The following DCC variants were observed in gnomAD, a reference collection of about 807,000 sequenced individuals.
DCC encodes the protein DCC netrin 1 receptor.
Under a neutral mutation model 172.5 loss-of-function variants are expected in DCC, and 58 were observed. The ratio of observed to expected loss-of-function variants is 0.34; its 90% CI spans 0.27 to 0.42. DCC has a LOEUF of 0.42. Among genes scored for constraint, DCC ranks in the 10% least tolerant of loss-of-function variants. The probability of loss-of-function intolerance (pLI) is 1.00; values close to 1 mark genes in which losing one functional copy is unlikely to be tolerated. For missense variants in DCC, 1,740 were observed against 1,791.0 expected (o/e 0.97, Z 0.51); for synonymous variants, 709 against 644.5 (o/e 1.10, Z -1.52).
chr18:52,655,359 A>G (rs942485875), intron 1 of DCC, among the ~76,000 whole-genome samples: 3 of 152,174 alleles, frequency 2.0e-5, no homozygotes, highest in African/African-American at 7.2e-5. Context: ...CGAGCCATAG[A>G]GTTTCTTACT....
intron 1 of DCC, among the ~76,000 whole-genome samples, chr18:52,362,231 G>A (rs1598862090): frequency 6.6e-6 from 1 of 152,220 alleles, no homozygotes; most frequent in Non-Finnish European, 1.5e-5. Flanking sequence ...ATGAGTGAAT[G>A]ATGGTTATTA....
intron 8 of DCC, among the ~76,000 whole-genome samples, chr18:53,163,682 G>A (rs549237422): frequency 5.3e-5 from 8 of 152,278 alleles, no homozygotes; most frequent in Non-Finnish European, 8.8e-5. Context: ...AAGTTAAAGA[G>A]CAGCATATAT....
intron 1 of DCC, among the ~76,000 whole-genome samples, chr18:52,448,700 T>C (rs556655188): frequency 6.6e-6 from 1 of 152,280 alleles, no homozygotes; most frequent in South Asian, 2.1e-4. Flanking sequence ...AACAGTAGAA[T>C]TGAGCAGACA....
At chr18:52,917,241 C>A (rs2040056440) in intron 3 of DCC, among the ~76,000 whole-genome samples, 1 of 151,650 alleles carries the variant, frequency 6.6e-6, no homozygotes, top group Admixed American at 6.6e-5. Flanking sequence ...ATGGCTTGAG[C>A]CAGGGAGGTG....
At chr18:53,403,984 T>G (rs2145039976) in intron 19 of DCC, among the ~76,000 whole-genome samples, 1 of 152,284 alleles carries the variant, frequency 6.6e-6, no homozygotes, top group East Asian at 1.9e-4. Context: ...GAAAAAGAAG[T>G]GAGGCACAAA....
intron 12 of DCC, among the ~76,000 whole-genome samples, chr18:53,255,680 T>C (rs1317367360): frequency 2.0e-5 from 3 of 151,988 alleles, no homozygotes; most frequent in Non-Finnish European, 2.9e-5. Flanking sequence ...AACATACATG[T>C]GCATGTCTTT....
chr18:52,993,672 C>A (rs2041430966), intron 5 of DCC, among the ~76,000 whole-genome samples: 1 of 152,030 alleles, frequency 6.6e-6, no homozygotes, highest in Non-Finnish European at 1.5e-5. Flanking sequence ...TTTGAATTCC[C>A]AGGAAGTAAT....
intron 1 of DCC, among the ~76,000 whole-genome samples, chr18:52,611,446 C>T (rs2034276107): frequency 6.6e-6 from 1 of 152,194 alleles, no homozygotes; most frequent in Middle Eastern, 3.4e-3. Flanking sequence ...TTCATTAATA[C>T]ATTGATTAAT....
At chr18:53,396,155 G>A (rs981809618) in intron 17 of DCC, among the ~76,000 whole-genome samples, 10 of 151,600 alleles carry the variant, frequency 6.6e-5, no homozygotes, top group African/African-American at 9.7e-5. Context: ...GGTAAGATAC[G>A]TATGATATGA....
At chr18:52,702,106 T>C (rs2036135477) in intron 1 of DCC, among the ~76,000 whole-genome samples, 1 of 152,158 alleles carries the variant, frequency 6.6e-6, no homozygotes, top group Admixed American at 6.5e-5. Context: ...CATGGCTTGT[T>C]TTCATGATAT....
At chr18:52,810,284 A>T (rs1459185517) in intron 2 of DCC, among the ~76,000 whole-genome samples, 1 of 152,140 alleles carries the variant, frequency 6.6e-6, no homozygotes, top group African/African-American at 2.4e-5. Flanking sequence ...ACCAGCACAG[A>T]GATAGGAAAT....
At chr18:53,143,503 G>T (rs2043861734) in intron 7 of DCC, among the ~76,000 whole-genome samples, 1 of 152,196 alleles carries the variant, frequency 6.6e-6, no homozygotes, top group Non-Finnish European at 1.5e-5. Flanking sequence ...GACATAGCTG[G>T]ATGGCAGAGA....
At chr18:53,511,599 GCGCA>G (rs1321112961) in intron 27 of DCC, among the ~76,000 whole-genome samples, 3 of 152,208 alleles carry the variant, frequency 2.0e-5, no homozygotes, top group Non-Finnish European at 4.4e-5. Flanking sequence ...GTCAGTGGGT[GCGCA>G]CACCGTGCGC....
Position 53,339,798 on chromosome 18 carries a change from C to T in DCC, c.2250C>T (p.Asn750=), listed in dbSNP as rs1303493678. ...CIIMSWTPPL[N]PNIVVRGYII... ...TCATGAGTTGGACTCCTCCCTTGAA[C>T]CCAAACATCGTGGTGCGAGGTTATA... Residue 750 remains asparagine (N), a synonymous_variant, in exon 15 of 29, where the codon AAC becomes AAT. Transcript: ENST00000442544. The T allele has an allele frequency of 1.2e-6, 2 of 1,613,960 alleles. No homozygotes were observed. The highest frequency in any genetic ancestry group is 4.5e-5 in the East Asian group (2 of 44,872).
chr18:52,877,269 C>T (rs2039417672), intron 2 of DCC, among the ~76,000 whole-genome samples: 1 of 152,158 alleles, frequency 6.6e-6, no homozygotes, highest in South Asian at 2.1e-4. Flanking sequence ...AAGCCCGTCC[C>T]TTGTTGTCAC....
At chr18:53,095,645 A>C (rs35585120) in intron 7 of DCC, among the ~76,000 whole-genome samples, 39,219 of 152,054 alleles carry the variant, frequency 0.26, 6,183 homozygotes, top group African/African-American at 0.44. Flanking sequence ...CTCCTGAATC[A>C]ACTCATAAGA....
intron 3 of DCC, among the ~76,000 whole-genome samples, chr18:52,913,482 T>C (rs1449284741): frequency 6.6e-6 from 1 of 152,080 alleles, no homozygotes; most frequent in African/African-American, 2.4e-5. Context: ...GATCTCCCCC[T>C]CAGCAAATCA....
chr18:53,454,800 A>C (rs1431189125), intron 23 of DCC, among the ~76,000 whole-genome samples: 1 of 152,074 alleles, frequency 6.6e-6, no homozygotes, highest in Non-Finnish European at 1.5e-5. Flanking sequence ...ACTTTTACTG[A>C]TTTTTCACTT....
chr18:52,608,622 GAGA>G (rs1345984870), intron 1 of DCC, among the ~76,000 whole-genome samples: 4 of 152,162 alleles, frequency 2.6e-5, no homozygotes, highest in Non-Finnish European at 4.4e-5. Context: ...AACCACATAG[GAGA>G]AGTAGTCAAG....
Sources: allele counts gnomAD v4.1 joint callset (sites outside exome capture counted in the v4.1 genomes callset), GRCh38; gene constraint gnomAD v4.1.1; transcripts MANE v1.5; gene names NCBI Gene and HGNC (gene_info 2026-07-23, HGNC 2026-07-21).